The following VWC2L variants were observed in gnomAD, a reference collection of about 807,000 sequenced individuals.
VWC2L encodes von Willebrand factor C domain containing 2 like.
Under a neutral mutation model 21.6 loss-of-function variants are expected in VWC2L, and 10 were observed. That is an observed-to-expected ratio of 0.46 (90% CI 0.29 to 0.78). The LOEUF (loss-of-function observed/expected upper bound fraction) is 0.78, where lower values mean the gene tolerates loss of function less well. VWC2L is among the 30% of genes least tolerant of loss of function. The pLI is 0.10. For synonymous variants in VWC2L, 96 were observed against 94.3 expected (o/e 1.02, Z -0.10); for missense variants, 209 against 277.1 (o/e 0.75, Z 1.74).
chr2:214,480,105 T>C (rs1300744057), intron 3 of VWC2L, among the ~76,000 whole-genome samples: 1 of 152,210 alleles, frequency 6.6e-6, no homozygotes, highest in Non-Finnish European at 1.5e-5. Context: ...GTGAGTAGGC[T>C]ATATGCAAAT....
At chr2:214,507,525 A>AT (rs1301649098) in intron 3 of VWC2L, among the ~76,000 whole-genome samples, 1 of 152,252 alleles carries the variant, frequency 6.6e-6, no homozygotes, top group Non-Finnish European at 1.5e-5. Flanking sequence ...AACTGATGGC[A>AT]TTCCCCAAGG....
intron 3 of VWC2L, among the ~76,000 whole-genome samples, chr2:214,523,925 A>C (rs1281408575): frequency 6.6e-6 from 1 of 152,194 alleles, no homozygotes; most frequent in Non-Finnish European, 1.5e-5. Flanking sequence ...TTTAATGCTT[A>C]AATTTACTGT....
intron 3 of VWC2L, among the ~76,000 whole-genome samples, chr2:214,461,469 C>T (rs1239655676): frequency 6.6e-6 from 1 of 152,278 alleles, no homozygotes; most frequent in East Asian, 1.9e-4. Context: ...GCAGTAGTGG[C>T]AGGCTGGGTG....
intron 3 of VWC2L, among the ~76,000 whole-genome samples, chr2:214,474,822 A>G (rs1036859506): frequency 6.6e-6 from 1 of 152,144 alleles, no homozygotes; most frequent in Non-Finnish European, 1.5e-5. Context: ...GCACATAATA[A>G]ATCCTGGCAA....
intron 3 of VWC2L, among the ~76,000 whole-genome samples, chr2:214,490,504 T>C (rs1001412666): frequency 6.6e-6 from 1 of 152,038 alleles, no homozygotes; most frequent in African/African-American, 2.4e-5. Context: ...GCTCAAGATA[T>C]GCAAGAGGTG....
intron 2 of VWC2L, among the ~76,000 whole-genome samples, chr2:214,425,460 T>C (rs1365211153): frequency 1.3e-5 from 2 of 152,226 alleles, no homozygotes; most frequent in African/African-American, 4.8e-5. Context: ...CACTGATGTA[T>C]CATAACTTAA....
chr2:214,452,948 G>T (rs978117103), intron 3 of VWC2L, among the ~76,000 whole-genome samples: 5 of 152,104 alleles, frequency 3.3e-5, no homozygotes, highest in African/African-American at 1.2e-4. Context: ...TCAGTTTGAA[G>T]AATTCTTTAT....
At chr2:214,521,143 T>C (rs907730998) in intron 3 of VWC2L, among the ~76,000 whole-genome samples, 1 of 151,764 alleles carries the variant, frequency 6.6e-6, no homozygotes, top group Non-Finnish European at 1.5e-5. Context: ...GAGAATGGTG[T>C]GAACCTGGTA....
intron 3 of VWC2L, among the ~76,000 whole-genome samples, chr2:214,459,274 A>C (rs1353016038): frequency 2.6e-5 from 4 of 152,158 alleles, no homozygotes; most frequent in African/African-American, 9.7e-5. Context: ...GACTTCTTCC[A>C]TCCTTTTACT....
chr2:214,525,114 T>C (rs899010249), intron 3 of VWC2L: 2 of 151,772 alleles, frequency 1.3e-5, no homozygotes, highest in African/African-American at 4.8e-5. Flanking sequence ...TAGTTCCTAG[T>C]GAATTCTTTT....
chr2:214,472,852 G>T (rs1036559011), intron 3 of VWC2L, among the ~76,000 whole-genome samples: 1 of 152,152 alleles, frequency 6.6e-6, no homozygotes, highest in Non-Finnish European at 1.5e-5. Context: ...CTGATGGCAG[G>T]CTTGTCATTT....
At chr2:214,567,522 T>A (rs1690081968) in intron 3 of VWC2L, among the ~76,000 whole-genome samples, 2 of 149,978 alleles carry the variant, frequency 1.3e-5, no homozygotes, top group Non-Finnish European at 3.0e-5. Context: ...CTTTCCCCTA[T>A]CATCCATTCA....
At chr2:214,493,683 A>T (rs772567115) in intron 3 of VWC2L, among the ~76,000 whole-genome samples, 22 of 152,066 alleles carry the variant, frequency 1.4e-4, no homozygotes, top group Non-Finnish European at 2.6e-4. Context: ...TCATGTGTTT[A>T]CCTCCATAAC....
intron 2 of VWC2L, among the ~76,000 whole-genome samples, chr2:214,432,762 C>T: frequency 6.6e-6 from 1 of 152,110 alleles, no homozygotes; most frequent in East Asian, 1.9e-4. Flanking sequence ...TGGCTCACAC[C>T]TATAGTCCTA....
intron 3 of VWC2L, among the ~76,000 whole-genome samples, chr2:214,472,845 A>C (rs1247968438): frequency 2.0e-5 from 3 of 152,220 alleles, no homozygotes; most frequent in African/African-American, 7.2e-5. Context: ...ATGGGTCCTG[A>C]TGGCAGGCTT....
intron 3 of VWC2L, among the ~76,000 whole-genome samples, chr2:214,488,677 T>C (rs1300257637): frequency 6.6e-6 from 1 of 152,198 alleles, no homozygotes; most frequent in Admixed American, 6.5e-5. Context: ...TACCTGAGAC[T>C]GGGTAATTTA....
chr2:214,414,733 A>G lies in VWC2L; in HGVS notation c.390+150A>G, dbSNP rs755787253. ...GATTCTAATTACCATAAGTAGCACC[A>G]TGGTCAACAAATGGCCAACTGGTTT... On this transcript the variant is annotated intron_variant, in intron 2 of 3. Transcript: ENST00000312504. 596 of 846,528 alleles carry G rather than the reference A, an allele frequency of 7.0e-4. 1 individual carries two copies. The highest frequency in any genetic ancestry group is 8.9e-4 in the Non-Finnish European group (509 of 571,268). 52.4% of individuals were successfully genotyped at this position (846,528 alleles called of 1,614,324 possible).
intron 3 of VWC2L, among the ~76,000 whole-genome samples, chr2:214,456,617 T>C (rs1365438549): frequency 6.6e-6 from 1 of 152,148 alleles, no homozygotes; most frequent in East Asian, 1.9e-4. Flanking sequence ...TTTTGTTGCC[T>C]GTACTTTTGA....
chr2:214,523,354 C>G (rs1443682979), intron 3 of VWC2L, among the ~76,000 whole-genome samples: 1 of 152,162 alleles, frequency 6.6e-6, no homozygotes, highest in Non-Finnish European at 1.5e-5. Flanking sequence ...CTATGAGATG[C>G]CCAACTCATT....
Sources: allele counts gnomAD v4.1 joint callset (sites outside exome capture counted in the v4.1 genomes callset), GRCh38; gene constraint gnomAD v4.1.1; transcripts MANE v1.5; gene names NCBI Gene and HGNC (gene_info 2026-07-23, HGNC 2026-07-21).